The following TTC36 variants were observed in gnomAD, a reference collection of about 807,000 sequenced individuals.
TTC36 encodes the protein tetratricopeptide repeat domain 36, also known as tetratricopeptide repeat protein 36.
TTC36 carries 15 observed loss-of-function variants against 17.5 expected under a neutral mutation model. The ratio of observed to expected loss-of-function variants is 0.86; its 90% CI spans 0.57 to 1.32. The LOEUF is 1.32. Ranked by LOEUF, TTC36 falls within the 40% of genes most tolerant of loss-of-function variation. TTC36 has a pLI of 0.00. For missense variants in TTC36, 292 were observed against 260.9 expected, an observed-to-expected ratio of 1.12 and a Z score of -0.82; for synonymous variants, 112 against 109.8, an observed-to-expected ratio of 1.02 and a Z score of -0.13.
In TTC36 at chr11:118,530,467, C is replaced by A; in HGVS notation, c.308-187C>A. On this transcript the variant is annotated intron_variant, in intron 2 of 2. Transcript: ENST00000302783. The surrounding 1 kb of genome is among the most constrained non-coding windows in gnomAD (Gnocchi z 5.8). Reference sequence around the variant, plus strand: ...TTGGCTGTAGAGCTTAACTCTTCCACAGTCTTCATCTGTGTAATGGGAATA... The same window carrying A: ...TTGGCTGTAGAGCTTAACTCTTCCAAAGTCTTCATCTGTGTAATGGGAATA... The A allele has an allele frequency of 1.6e-6, 1 of 618,612 alleles. No individual in the cohort carries two copies. The highest frequency in any genetic ancestry group is 2.4e-6 in the Non-Finnish European group (1 of 408,644). 38.3% of individuals were successfully genotyped at this position (618,612 alleles called of 1,614,324 possible).
chr11:118,528,746 T>C lies in TTC36; in HGVS notation c.262T>C (p.Tyr88His). The C allele has an allele frequency of 6.2e-7, 1 of 1,612,750 alleles. No homozygotes were observed. The highest frequency in any genetic ancestry group is 8.5e-7 in the Non-Finnish European group (1 of 1,179,582). Residue 88 changes from tyrosine (Y) to histidine (H), a missense_variant, in exon 2 of 3, where the codon TAC becomes CAC. Tyr to His is a moderately conservative substitution (Grantham distance 83). Coordinates refer to ENST00000302783, the MANE Select transcript of TTC36 (RefSeq NM_001080441.4). ...CCTGCTGCCTGAGAGGGCTTCAGCC[T>C]ACAACAACCGTGCCCAGGCCCGGCG... ...ICLLPERASA[Y>H]NNRAQARRLQ...
intron 1 of TTC36, 34 bp downstream of exon 1, chr11:118,527,646 T>G (rs782492048): frequency 2.0e-6 from 3 of 1,531,774 alleles, no homozygotes; most frequent in Non-Finnish European, 1.8e-6. Flanking sequence ...GCTCTGCACA[T>G]AGGCTGGCCT....
rs368890704 is a variant in TTC36 at position 118,528,852 on chromosome 11, T to C, written c.307+61T>C. ...CCCACGGGAGGGCACAGACCAGAAC[T>C]GAAGTGGCTGTGCGGCTGGGGTGGC... On this transcript the variant is annotated intron_variant, in intron 2 of 2. Transcript: ENST00000302783. The C allele has an allele frequency of 4.1e-4, 602 of 1,456,592 alleles. 7 individuals are homozygous for C. The East Asian group carries it at 0.013, about 30-fold the overall frequency. The allele number at this position is 1,456,592 out of a possible 1,614,324, so 90.2% of individuals were successfully genotyped here.
At position 118,530,525 on chromosome 11, in the gene TTC36, T is replaced by G; in HGVS notation, c.308-129T>G. 9.2e-7 allele frequency: 1 copy of G among 1,082,418 alleles called. No homozygotes were observed. Among genetic ancestry groups the G allele is most frequent in the Non-Finnish European group, 1.2e-6 (1 of 823,320 alleles). 67.1% of individuals were successfully genotyped at this position (1,082,418 alleles called of 1,614,324 possible). ...GTACCTCTAGCAGGTGCGAGGCGGGTTGTAAATGGCCACGCCCGGGAGCCG... is the reference window on the plus strand; with the variant it reads ...GTACCTCTAGCAGGTGCGAGGCGGGGTGTAAATGGCCACGCCCGGGAGCCG... On this transcript the variant is annotated intron_variant, in intron 2 of 2. Coordinates refer to ENST00000302783, the MANE Select transcript of TTC36 (RefSeq NM_001080441.4). This position sits in a 1 kb window ranked among gnomAD's most constrained non-coding sequence, Gnocchi z 5.8.
chr11:118,530,704 C>A lies in TTC36; in HGVS notation c.358C>A (p.Arg120Ser). ...GGTGGAGCTGAGCGGCGGCCGGGGC[C>A]GCGCCGCCCGCCAGAGCTTTGTGCA... The part of the protein sequence containing the change: ...RAVELSGGRG[R>S]AARQSFVQRG... Residue 120 changes from arginine to serine, a missense_variant, in exon 3 of 3, where the codon CGC becomes AGC. Transcript: ENST00000302783. The surrounding 1 kb of genome is among the most constrained non-coding windows in gnomAD (Gnocchi z 5.8). 6.8e-7 allele frequency: 1 copy of A among 1,479,342 alleles called. No homozygotes were observed. The highest frequency in any genetic ancestry group is 8.9e-7 in the Non-Finnish European group (1 of 1,124,076). The allele number at this position is 1,479,342 out of a possible 1,614,324, so 91.6% of individuals were successfully genotyped here. A position where few individuals can be genotyped will look rare whatever the true frequency, so the allele number is the denominator to read the frequency against.
At chr11:118,527,841 C>G in intron 1 of TTC36, 1 of 614,916 alleles carries the variant, frequency 1.6e-6, no homozygotes, top group Non-Finnish European at 3.0e-6. Flanking sequence ...TCTCATGCCT[C>G]TGAACTTACC....
At chr11:118,528,469 C>T in intron 1 of TTC36, 134 bp from the exon 2 acceptor site, 2 of 857,002 alleles carry the variant, frequency 2.3e-6, no homozygotes, top group Non-Finnish European at 3.5e-6. Flanking sequence ...ACCCCAAACA[C>T]TGCAACTGAC....
In TTC36 at chr11:118,530,483, A is replaced by C; in HGVS notation, c.308-171A>C. On this transcript the variant is annotated intron_variant, in intron 2 of 2. Coordinates refer to ENST00000302783, the MANE Select transcript of TTC36 (RefSeq NM_001080441.4). This position sits in a 1 kb window ranked among gnomAD's most constrained non-coding sequence, Gnocchi z 5.8. Reference sequence around the variant, plus strand: ...ACTCTTCCACAGTCTTCATCTGTGTAATGGGAATAACGATCCGTACCTCTA... The same window carrying C: ...ACTCTTCCACAGTCTTCATCTGTGTCATGGGAATAACGATCCGTACCTCTA... The C allele has an allele frequency of 2.9e-6, 2 of 700,084 alleles. No individual in the cohort carries two copies. The highest frequency in any genetic ancestry group is 4.2e-6 in the Non-Finnish European group (2 of 476,396). 43.4% of individuals were successfully genotyped at this position (700,084 alleles called of 1,614,324 possible).
intron 1 of TTC36, 179 bp downstream of exon 1, chr11:118,527,791 C>A: frequency 1.5e-6 from 1 of 679,466 alleles, no homozygotes; most frequent in Non-Finnish European, 2.7e-6. Flanking sequence ...GATGTCCTGC[C>A]AAGAGGAGTA....
chr11:118,530,894 G>C lies in TTC36; in HGVS notation c.548G>C (p.Arg183Pro), dbSNP rs187027064. The C allele has an allele frequency of 6.6e-7, 1 of 1,504,174 alleles. No individual in the cohort carries two copies. Among genetic ancestry groups the C allele is most frequent in the Non-Finnish European group, 8.8e-7 (1 of 1,133,888 alleles). The allele number at this position is 1,504,174 out of a possible 1,614,324, so 93.2% of individuals were successfully genotyped here. The change falls in exon 3 of 3, where the codon CGC (arginine) becomes CCC (proline). Residue 183 changes from arginine to proline, a missense_variant. Transcript: ENST00000302783. The surrounding 1 kb of genome is among the most constrained non-coding windows in gnomAD (Gnocchi z 5.8). ...CTGGCCGACATGATGGGGCAGCTGC[G>C]CCGCCCCCGTGACAGCCGCTGAGCG... ...RMLADMMGQL[R>P]RPRDSR is the part of the protein sequence containing the mutation.
chr11:118,529,805 C>T (rs1386359642), intron 2 of TTC36, among the ~76,000 whole-genome samples: 3 of 152,184 alleles, frequency 2.0e-5, no homozygotes, highest in Non-Finnish European at 2.9e-5. Context: ...CCAGCTCCTC[C>T]GAGGGAAACC....
intron 2 of TTC36, among the ~76,000 whole-genome samples, chr11:118,529,711 A>C (rs1555056844): frequency 6.6e-6 from 1 of 152,220 alleles, no homozygotes; most frequent in African/African-American, 2.4e-5. Context: ...ATCCAGGCTT[A>C]TCTGCCCCAG....
At chr11:118,528,834 G>C (rs782049624) in intron 2 of TTC36, 43 bp downstream of exon 2, 2 of 1,541,006 alleles carry the variant, frequency 1.3e-6, no homozygotes, top group African/African-American at 2.7e-5. Flanking sequence ...GGGCCCACGG[G>C]AGGGCACAGA....
intron 1 of TTC36, 42 bp downstream of exon 1, chr11:118,527,654 C>A: frequency 6.9e-7 from 1 of 1,456,350 alleles, no homozygotes; most frequent in Non-Finnish European, 9.6e-7. Flanking sequence ...CATAGGCTGG[C>A]CTGCTGGCCT....
In TTC36 at chr11:118,528,768, G is replaced by A. The variant is rs782807184; in HGVS notation, c.284G>A (p.Arg95Gln). ...ASAYNNRAQA[R>Q]RLQGDVAGAL... ...GCCTACAACAACCGTGCCCAGGCCC[G>A]GCGACTCCAGGGAGACGTGGCAGGT... Residue 95 changes from arginine to glutamine, a missense_variant, in exon 2 of 3, where the codon CGG becomes CAG. Physicochemically the swap from Arg to Gln is conservative, Grantham distance 43. Transcript: ENST00000302783. 56 of 1,610,434 alleles carry A rather than the reference G, an allele frequency of 3.5e-5. No homozygotes were observed. The South Asian group carries it at 3.8e-4, about 11-fold the overall frequency.
rs1005484447 is a variant in TTC36, at chr11:118,528,453, C to T, written c.119-150C>T. On this transcript the variant is annotated intron_variant, in intron 1 of 2. Transcript: ENST00000302783. ...GCTCCCAGCCTTAGTGACCTCATCT[C>T]CCCCTACCCCAAACACTGCAACTGA... The T allele has an allele frequency of 1.3e-5, 9 of 701,222 alleles. No individual in the cohort carries two copies. In the African/African-American group the frequency reaches 1.6e-4, roughly 13 times the overall value. 43.4% of individuals were successfully genotyped at this position (701,222 alleles called of 1,614,324 possible).
Position 118,530,656 on chromosome 11 carries a change from G to C in TTC36, c.310G>C (p.Ala104Pro). ...CGCCCGTCTCGTCGGTCCCGCAGGC[G>C]CCCTGGAGGATCTGGAACGCGCGGT... ...ARRLQGDVAG[A>P]LEDLERAVEL... Residue 104 changes from alanine to proline, a missense_variant and splice_region_variant, in exon 3 of 3, where the codon GCC becomes CCC. Coordinates refer to ENST00000302783, the MANE Select transcript of TTC36 (RefSeq NM_001080441.4). The surrounding 1 kb of genome is among the most constrained non-coding windows in gnomAD (Gnocchi z 5.8). 2 of 1,461,062 alleles carry C rather than the reference G, an allele frequency of 1.4e-6. No individual in the cohort carries two copies. Among genetic ancestry groups the C allele is most frequent in the Non-Finnish European group, 1.8e-6 (2 of 1,115,650 alleles). The allele number at this position is 1,461,062 out of a possible 1,614,324, so 90.5% of individuals were successfully genotyped here. A position where few individuals can be genotyped will look rare whatever the true frequency, so the allele number is the denominator to read the frequency against.
chr11:118,528,458 T>C, intron 1 of TTC36, 145 bp from the exon 2 acceptor site: 1 of 740,012 alleles, frequency 1.4e-6, no homozygotes, highest in Non-Finnish European at 2.1e-6. Flanking sequence ...CATCTCCCCC[T>C]ACCCCAAACA....
At position 118,530,582 on chromosome 11, in the gene TTC36, T is replaced by C. The variant is rs1047808834; in HGVS notation, c.308-72T>C. ...CCACGGTGATCCGCGCGGCCGCAGG[T>C]GGGCTGGGGCTCGGGCAAGGCCGCC... On this transcript the variant is annotated intron_variant, in intron 2 of 2. Coordinates refer to ENST00000302783, the MANE Select transcript of TTC36 (RefSeq NM_001080441.4). The surrounding 1 kb of genome is among the most constrained non-coding windows in gnomAD (Gnocchi z 5.8). 3.0e-6 allele frequency: 4 copies of C among 1,344,900 alleles called. No homozygotes were observed. In the East Asian group the frequency reaches 9.4e-5, roughly 32 times the overall value. The allele number at this position is 1,344,900 out of a possible 1,614,324, so 83.3% of individuals were successfully genotyped here. A position where few individuals can be genotyped will look rare whatever the true frequency, so the allele number is the denominator to read the frequency against.
Sources: allele counts gnomAD v4.1 joint callset (sites outside exome capture counted in the v4.1 genomes callset), GRCh38; gene constraint gnomAD v4.1.1; non-coding constraint Gnocchi (gnomAD v3.1); transcripts MANE v1.5; gene names NCBI Gene and HGNC (gene_info 2026-07-23, HGNC 2026-07-21).